TMEM117: variants seen among roughly 807,000 people sequenced by gnomAD.
TMEM117 encodes the protein transmembrane protein 117.
In TMEM117, 27 loss-of-function variants were observed where a neutral mutation model predicts 52.4. That is an observed-to-expected ratio of 0.51 (90% confidence interval 0.38 to 0.71). The LOEUF (loss-of-function observed/expected upper bound fraction) is 0.71. TMEM117 is among the 30% of genes least tolerant of loss of function. The pLI, the probability that TMEM117 is intolerant of heterozygous loss-of-function variation, is 0.00. For missense variants in TMEM117, 556 were observed against 630.5 expected (o/e 0.88, Z 1.26); for synonymous variants, 215 against 206.3 (o/e 1.04, Z -0.36).
intron 5 of TMEM117, among the ~76,000 whole-genome samples, chr12:44,218,850 A>G (rs1949753411): frequency 6.6e-6 from 1 of 152,086 alleles, no homozygotes; most frequent in African/African-American, 2.4e-5. Flanking sequence ...TTTAATCCAC[A>G]CTGCCACTCT....
chr12:43,806,261 C>T, the TMEM117 span: 2 of 1,521,574 alleles, frequency 1.3e-6, no homozygotes, highest in Admixed American at 2.0e-5. Context: ...CGGCCGCTAG[C>T]TCCCGGCTCC....
chr12:43,835,680 C>G (rs975514577), upstream of TMEM117, among the ~76,000 whole-genome samples: 1 of 152,140 alleles, frequency 6.6e-6, no homozygotes, highest in Admixed American at 6.5e-5. Context: ...CTCATTGGTT[C>G]CCTGCAGGAT....
intron 2 of TMEM117, among the ~76,000 whole-genome samples, chr12:43,849,023 C>T (rs937036603): frequency 6.6e-5 from 10 of 152,088 alleles, no homozygotes; most frequent in African/African-American, 2.4e-4. Context: ...AGTAGTGATT[C>T]CCAAGTAGGG....
chr12:43,806,311 G>A, the TMEM117 span: 11 of 1,412,826 alleles, frequency 7.8e-6, no homozygotes, highest in South Asian at 1.5e-5. Context: ...GGCGGCCCCA[G>A]GAAGTGGCTG....
chr12:44,328,569 C>A (rs1157643979), intron 6 of TMEM117, among the ~76,000 whole-genome samples: 3 of 152,112 alleles, frequency 2.0e-5, no homozygotes, highest in African/African-American at 7.2e-5. Flanking sequence ...TCTAGCCAGA[C>A]AAAGCACGTG....
At chr12:43,936,147 G>A (rs1944949021) in intron 2 of TMEM117, among the ~76,000 whole-genome samples, 1 of 151,796 alleles carries the variant, frequency 6.6e-6, no homozygotes, top group Non-Finnish European at 1.5e-5. Flanking sequence ...TGGCTCTGTG[G>A]TGGATGGATT....
rs1011599180 is a variant in TMEM117, at chr12:44,389,267, A to T, written c.*595A>T. 1 of 153,464 alleles carries T rather than the reference A, an allele frequency of 6.5e-6. No individual in the cohort carries two copies. Among genetic ancestry groups the T allele is most frequent in the Non-Finnish European group, 1.5e-5 (1 of 68,674 alleles). The allele number at this position is 153,464 out of a possible 1,614,324, so 9.5% of individuals were successfully genotyped here. On this transcript the variant is annotated 3_prime_UTR_variant, in exon 8 of 8. Coordinates refer to ENST00000266534, the MANE Select transcript of TMEM117 (RefSeq NM_032256.3). The stretch of plus-strand genomic sequence containing the variant: ...TACAGATGCAAAATTCAGTAATAGG[A>T]GATCCATAACCCAACATGGGTCACT...
At chr12:43,797,516 T>G in the TMEM117 span, 10 of 1,413,284 alleles carry the variant, frequency 7.1e-6, no homozygotes, top group East Asian at 2.4e-4. Context: ...TTAAAACATA[T>G]AATAAAAAGA....
At chr12:43,970,693 G>C (rs1945569347) in intron 3 of TMEM117, among the ~76,000 whole-genome samples, 2 of 152,158 alleles carry the variant, frequency 1.3e-5, no homozygotes, top group South Asian at 4.1e-4. Context: ...AGTATATATA[G>C]GGTTCAGTAT....
At chr12:44,020,181 CTCTT>C (rs1247100235) in intron 3 of TMEM117, among the ~76,000 whole-genome samples, 1 of 152,100 alleles carries the variant, frequency 6.6e-6, no homozygotes, top group Non-Finnish European at 1.5e-5. Context: ...AAAGAAATAA[CTCTT>C]TCAATGAAAA....
At chr12:44,097,921 T>A (rs1947798880) in intron 3 of TMEM117, among the ~76,000 whole-genome samples, 1 of 151,934 alleles carries the variant, frequency 6.6e-6, no homozygotes, top group South Asian at 2.1e-4. Context: ...TGAGTGTTGC[T>A]GGTGCTTGGA....
At chr12:43,991,686 CT>C (rs1275015429) in intron 3 of TMEM117, among the ~76,000 whole-genome samples, 1 of 151,986 alleles carries the variant, frequency 6.6e-6, no homozygotes, top group Non-Finnish European at 1.5e-5. Context: ...AATATTAGTT[CT>C]AATTATTATC....
chr12:44,152,516 A>G (rs1430593226), intron 4 of TMEM117, among the ~76,000 whole-genome samples: 15 of 114,666 alleles, frequency 1.3e-4, no homozygotes, highest in African/African-American at 5.4e-4. Context: ...TCATATATAA[A>G]TTTATATATA....
intron 4 of TMEM117, among the ~76,000 whole-genome samples, chr12:44,187,329 A>G (rs1448589520): frequency 2.0e-5 from 3 of 152,062 alleles, no homozygotes; most frequent in South Asian, 2.1e-4. Context: ...TTATTTCTCT[A>G]TTTTTAAAAA....
Position 43,885,155 on chromosome 12 carries a change from A to G in TMEM117, c.277+40227A>G, listed in dbSNP as rs548044991. ...CAGCAAGCCAATAAACACTTCATGG[A>G]TTCGTAGCAATCACAGTCTCTTGAG... On this transcript the variant is annotated intron_variant, in intron 2 of 7. Transcript: ENST00000266534. Among the ~76,000 whole-genome samples the G allele has an allele frequency of 6.6e-5, 10 of 152,264 alleles. No individual in the cohort carries two copies. The South Asian group carries it at 1.4e-3, about 22-fold the overall frequency.
chr12:44,206,482 T>G (rs1348346079), intron 4 of TMEM117, among the ~76,000 whole-genome samples: 6 of 152,180 alleles, frequency 3.9e-5, no homozygotes, highest in African/African-American at 1.4e-4. Context: ...CTAAAGGATA[T>G]AAATTGTTGT....
chr12:44,027,237 G>C (rs144326431), intron 3 of TMEM117, among the ~76,000 whole-genome samples: 1 of 144,146 alleles, frequency 6.9e-6, no homozygotes, highest in East Asian at 2.0e-4. Context: ...CCAGGCTGGA[G>C]TGCAGTGGCA....
At chr12:43,858,281 G>A (rs1338633142) in intron 2 of TMEM117, among the ~76,000 whole-genome samples, 1 of 152,182 alleles carries the variant, frequency 6.6e-6, no homozygotes. Flanking sequence ...CCAGACAGGC[G>A]CCTTTTCAGG....
At chr12:44,323,016 G>A (rs2138704301) in intron 6 of TMEM117, among the ~76,000 whole-genome samples, 1 of 152,226 alleles carries the variant, frequency 6.6e-6, no homozygotes, top group Non-Finnish European at 1.5e-5. Flanking sequence ...AGAGGAAGAG[G>A]GAAGCAGAAG....
Sources: allele counts gnomAD v4.1 joint callset (sites outside exome capture counted in the v4.1 genomes callset), GRCh38; gene constraint gnomAD v4.1.1; transcripts MANE v1.5; gene names NCBI Gene and HGNC (gene_info 2026-07-23, HGNC 2026-07-21).